The following TXNRD1 variants were observed in gnomAD, a reference collection of about 807,000 sequenced individuals.
TXNRD1 encodes the protein thioredoxin reductase 1.
TXNRD1 carries 57 observed loss-of-function variants against 80.3 expected under a neutral mutation model. The observed-to-expected ratio is 0.71, with a 90% CI of 0.57 to 0.89. The LOEUF (loss-of-function observed/expected upper bound fraction) is 0.89. TXNRD1 is among the 40% of genes least tolerant of loss of function. The pLI, the probability that TXNRD1 is intolerant of heterozygous loss-of-function variation, is 0.00. For missense variants in TXNRD1, 730 were observed against 803.0 expected (o/e 0.91, Z 1.10); for synonymous variants, 291 against 285.2 (o/e 1.02, Z -0.20).
rs117585471 is a variant in TXNRD1 at position 104,307,247 on chromosome 12, C to T, written c.415-4043C>T. On this transcript the variant is annotated intron_variant, in intron 4 of 16. Transcript: ENST00000525566. ...CAAATCTGCTTGTTTCTTGCTAATA[C>T]GTTTGTATACTGAATAGAAATAACA... 6.2e-3 allele frequency among the ~76,000 whole-genome samples: 950 copies of T among 152,176 alleles called. 5 individuals carry two copies. Among genetic ancestry groups the T allele is most frequent in the Non-Finnish European group, 0.011 (720 of 68,006 alleles).
chr12:104,304,789 G>A (rs544458127), intron 4 of TXNRD1: 13 of 1,613,986 alleles, frequency 8.1e-6, no homozygotes, highest in African/African-American at 2.7e-5. Context: ...TATTAGAGCC[G>A]ATGAATGTTA....
At chr12:104,216,057 G>A (rs2032200350) in intron 1 of TXNRD1, among the ~76,000 whole-genome samples, 164 bp downstream of exon 1, 1 of 152,110 alleles carries the variant, frequency 6.6e-6, no homozygotes, top group Non-Finnish European at 1.5e-5. Context: ...GCTCCCCCAG[G>A]TCACCCCGGG....
intron 3 of TXNRD1, chr12:104,287,394 CTT>C: frequency 6.2e-7 from 1 of 1,613,916 alleles, no homozygotes; most frequent in Non-Finnish European, 8.5e-7. Flanking sequence ...TCCTCTTGGT[CTT>C]TGTAGAGACA....
At chr12:104,343,509 A>G (rs954865033) in intron 16 of TXNRD1, among the ~76,000 whole-genome samples, 2 of 152,270 alleles carry the variant, frequency 1.3e-5, no homozygotes, top group African/African-American at 2.4e-5. Flanking sequence ...CACATTAAAT[A>G]AAGTAAGAGG....
At chr12:104,244,580 A>G (rs2032938332) in intron 1 of TXNRD1, among the ~76,000 whole-genome samples, 1 of 152,190 alleles carries the variant, frequency 6.6e-6, no homozygotes, top group Non-Finnish European at 1.5e-5. Context: ...AGAATTGTAA[A>G]ACTATGGTAC....
chr12:104,294,091 C>T (rs1258769071), intron 4 of TXNRD1, among the ~76,000 whole-genome samples: 2 of 152,102 alleles, frequency 1.3e-5, no homozygotes, highest in East Asian at 1.9e-4. Flanking sequence ...AACATGAAGG[C>T]GGACTAGGAG....
rs140873317 is a variant in TXNRD1, at chr12:104,328,545, A to T, written c.1542+874A>T. ...GCTGATGCAGGCAGATCACGAGGTCAGGAGATTGAGACCATTCTGGCTAAC... is the reference window on the plus strand; with the variant it reads ...GCTGATGCAGGCAGATCACGAGGTCTGGAGATTGAGACCATTCTGGCTAAC... On this transcript the variant is annotated intron_variant, in intron 13 of 16. Transcript: ENST00000525566. Among the ~76,000 whole-genome samples, 1,052 of 152,256 alleles carry T rather than the reference A, an allele frequency of 6.9e-3. 11 individuals carry two copies. Among genetic ancestry groups the T allele is most frequent in the African/African-American group, 0.022 (907 of 41,536 alleles).
intron 1 of TXNRD1, 45 bp downstream of exon 1, chr12:104,215,938 A>G: frequency 2.0e-6 from 3 of 1,502,168 alleles, no homozygotes; most frequent in Non-Finnish European, 2.7e-6. Flanking sequence ...GACGGGCCGA[A>G]GCGGGCCTTC....
chr12:104,238,249 T>C (rs2032780806), intron 1 of TXNRD1, among the ~76,000 whole-genome samples: 1 of 152,198 alleles, frequency 6.6e-6, no homozygotes, highest in Non-Finnish European at 1.5e-5. Flanking sequence ...TCAAGCTATA[T>C]TAAGGACGTT....
intron 16 of TXNRD1, among the ~76,000 whole-genome samples, chr12:104,344,265 G>A (rs2036421695): frequency 6.6e-6 from 1 of 152,082 alleles, no homozygotes; most frequent in South Asian, 2.1e-4. Context: ...TGGCTTGGGA[G>A]GGGAGACGAT....
At chr12:104,304,023 T>G (rs1472845195) in intron 4 of TXNRD1, 1 of 1,612,612 alleles carries the variant, frequency 6.2e-7, no homozygotes, top group African/African-American at 1.3e-5. Flanking sequence ...CTCCTGGAGC[T>G]CACCGCTGAC....
intron 3 of TXNRD1, among the ~76,000 whole-genome samples, chr12:104,279,177 T>C (rs1253015702): frequency 6.6e-6 from 1 of 152,216 alleles, no homozygotes; most frequent in Non-Finnish European, 1.5e-5. Flanking sequence ...TTGGACAGTG[T>C]AGATTTAGAA....
chr12:104,284,604 T>C (rs945255340), intron 3 of TXNRD1, among the ~76,000 whole-genome samples: 5 of 152,198 alleles, frequency 3.3e-5, no homozygotes, highest in Admixed American at 6.5e-5. Context: ...ATTTTCTGAG[T>C]ACCTACTATA....
At chr12:104,243,781 G>A (rs1183526487) in intron 1 of TXNRD1, among the ~76,000 whole-genome samples, 2 of 152,206 alleles carry the variant, frequency 1.3e-5, no homozygotes, top group Non-Finnish European at 2.9e-5. Flanking sequence ...TGAAGTGATC[G>A]TGTTGCTCAT....
chr12:104,343,524 G>C (rs375669940), intron 16 of TXNRD1, among the ~76,000 whole-genome samples: 1 of 152,116 alleles, frequency 6.6e-6, no homozygotes, highest in African/African-American at 2.4e-5. Flanking sequence ...AAGAGGCCAG[G>C]CGTGGTGGCT....
intron 7 of TXNRD1, among the ~76,000 whole-genome samples, chr12:104,317,798 C>G (rs976727637): frequency 3.3e-5 from 5 of 152,280 alleles, no homozygotes; most frequent in Admixed American, 2.0e-4. Flanking sequence ...ATTGATTGCA[C>G]CACTGCACTC....
chr12:104,251,742 A>G (rs1170581391), intron 2 of TXNRD1, 64 bp downstream of exon 2: 1 of 1,568,182 alleles, frequency 6.4e-7, no homozygotes, highest in African/African-American at 1.4e-5. Flanking sequence ...TTTGAGCTCA[A>G]ATGTAAACAA....
Position 104,228,789 on chromosome 12 carries a change from G to A in TXNRD1, c.91+12896G>A, listed in dbSNP as rs545964805. On this transcript the variant is annotated intron_variant, in intron 1 of 16. Coordinates refer to ENST00000525566, the MANE Select transcript of TXNRD1 (RefSeq NM_001093771.3). ...GGCTGGAGTGTAATGATTTGATCTC[G>A]GCTCACTGCAACCTCCGCCTCCCGG... is the stretch of plus-strand genomic sequence containing the variant. Among the ~76,000 whole-genome samples, 6 of 151,660 alleles carry A rather than the reference G, an allele frequency of 4.0e-5. 1 individual carries two copies. The highest frequency in any genetic ancestry group is 1.5e-4 in the African/African-American group (6 of 41,364).
At chr12:104,267,402 C>T (rs967564400) in intron 3 of TXNRD1, among the ~76,000 whole-genome samples, 5 of 151,434 alleles carry the variant, frequency 3.3e-5, no homozygotes, top group Non-Finnish European at 7.4e-5. Flanking sequence ...CTCAGCCTCC[C>T]GAGTAGATGG....
Sources: allele counts gnomAD v4.1 joint callset (sites outside exome capture counted in the v4.1 genomes callset), GRCh38; gene constraint gnomAD v4.1.1; transcripts MANE v1.5; gene names NCBI Gene and HGNC (gene_info 2026-07-23, HGNC 2026-07-21).